The following STAG3 variants were observed in gnomAD, a reference collection of about 807,000 sequenced individuals.
The protein encoded by STAG3 is STAG3 cohesin complex component, also known as cohesin subunit SA-3.
STAG3 carries 101 observed loss-of-function variants against 160.7 expected under a neutral mutation model. The observed-to-expected ratio is 0.63, with a 90% CI of 0.54 to 0.74. The LOEUF (loss-of-function observed/expected upper bound fraction) is 0.74. Ranked by LOEUF, STAG3 falls within the 30% of genes least tolerant of loss-of-function variation. The pLI, the probability that STAG3 is intolerant of heterozygous loss-of-function variation, is 0.00. For synonymous variants in STAG3, 519 were observed against 585.0 expected, an observed-to-expected ratio of 0.89 and a Z score of 1.63; for missense variants, 1,188 against 1,517.4, an observed-to-expected ratio of 0.78 and a Z score of 3.61.
In STAG3 at chr7:100,200,043, G is replaced by A. The variant is rs1200324190; in HGVS notation, c.1678-193G>A. On this transcript the variant is annotated intron_variant, in intron 16 of 33. Transcript: ENST00000615138. ...ATCACGCCACTGCACTCCAGCCTGG[G>A]TGACAGAGCGAGACTCCGTCTCAAA... The A allele has an allele frequency of 3.4e-5, 18 of 532,944 alleles. No individual in the cohort carries two copies. The East Asian group carries it at 3.7e-4, about 11-fold the overall frequency. 33.0% of individuals were successfully genotyped at this position (532,944 alleles called of 1,614,324 possible).
rs1388032472 is a variant in STAG3 at position 100,214,069 on chromosome 7, T to C, written c.*54T>C. On this transcript the variant is annotated 3_prime_UTR_variant, in exon 34 of 34. Transcript: ENST00000615138. ...CTCCCTACCTCAAGAATGTGACCAT[T>C]TGGAAAAGGCAAAGAGAAAAGGAGC... 6.2e-7 allele frequency: 1 copy of C among 1,605,722 alleles called. No homozygotes were observed. The highest frequency in any genetic ancestry group is 1.7e-5 in the Admixed American group (1 of 59,294).
chr7:100,202,241 CT>C lies in STAG3; in HGVS notation c.2466del (p.Arg823GlyfsTer15). 6.2e-7 allele frequency: 1 copy of C among 1,614,094 alleles called. No homozygotes were observed. The highest frequency in any genetic ancestry group is 1.1e-5 in the South Asian group (1 of 91,084). ...GATGATTGTTGGGGGCCGTGATTTC[CT>C]TAGGCCACTTGTCTTTTTTCCTGAA... ...PQMIVGGRDF[L>X]RPLVFFPEAT... On this transcript the variant is annotated frameshift_variant, in exon 24 of 34. Transcript: ENST00000615138. LOFTEE classifies it high-confidence loss of function.
chr7:100,193,370 A>C (rs1800460544), intron 8 of STAG3, among the ~76,000 whole-genome samples: 1 of 152,202 alleles, frequency 6.6e-6, no homozygotes, highest in African/African-American at 2.4e-5. Context: ...TGTCCGTTGA[A>C]GCTTTGAAGC....
intron 1 of STAG3, among the ~76,000 whole-genome samples, 168 bp from the exon 2 acceptor site, chr7:100,180,325 G>T (rs1432910068): frequency 1.3e-5 from 2 of 152,056 alleles, no homozygotes; most frequent in African/African-American, 4.8e-5. Flanking sequence ...CTCCCAAAGT[G>T]CTGGGATTAT....
chr7:100,202,790 T>C (rs554881538), intron 25 of STAG3, among the ~76,000 whole-genome samples, 200 bp downstream of exon 25: 3 of 152,326 alleles, frequency 2.0e-5, no homozygotes, highest in Admixed American at 6.5e-5. Context: ...GAGAAAAAGC[T>C]GTGAAGAAAT....
chr7:100,211,896 C>T lies in STAG3; in HGVS notation c.3600+20C>T. On this transcript the variant is annotated intron_variant, in intron 32 of 33. Coordinates refer to ENST00000615138, the MANE Select transcript of STAG3 (RefSeq NM_001282717.2). ...GACATGGTGAGTAGACCACCCTGCCCTTCTCTCTCAAGAACTAGGGGCTGA... is the reference window on the plus strand; with the variant it reads ...GACATGGTGAGTAGACCACCCTGCCTTTCTCTCTCAAGAACTAGGGGCTGA... 1.2e-6 allele frequency: 2 copies of T among 1,611,318 alleles called. No homozygotes were observed. Among genetic ancestry groups the T allele is most frequent in the Non-Finnish European group, 1.7e-6 (2 of 1,178,330 alleles).
chr7:100,188,286 T>G (rs930365119), intron 5 of STAG3, among the ~76,000 whole-genome samples, 167 bp from the exon 6 acceptor site: 1 of 152,224 alleles, frequency 6.6e-6, no homozygotes, highest in Non-Finnish European at 1.5e-5. Flanking sequence ...GATTGCCTTA[T>G]AGCAGATACA....
chr7:100,183,164 C>T (rs1799762698), intron 4 of STAG3, among the ~76,000 whole-genome samples: 1 of 152,136 alleles, frequency 6.6e-6, no homozygotes, highest in South Asian at 2.1e-4. Flanking sequence ...CAGGCGTGTG[C>T]CACCACGCCC....
chr7:100,192,783 G>T (rs1051382298), intron 8 of STAG3, among the ~76,000 whole-genome samples: 13 of 152,130 alleles, frequency 8.5e-5, no homozygotes, highest in African/African-American at 3.1e-4. Context: ...TAGAGACAGG[G>T]TCTCACTGTG....
chr7:100,211,083 C>T lies in STAG3; in HGVS notation c.3311C>T (p.Pro1104Leu). The change falls in exon 30 of 34, where the codon CCC becomes CTC. Residue 1104 changes from proline to leucine, a missense_variant. Transcript: ENST00000615138. The stretch of plus-strand genomic sequence containing the variant: ...AGTCTGCAGCTGAACAGCATCCCGC[C>T]CACGCCCACCCTCACCTCCACAGCT... ...EESLQLNSIP[P>L]TPTLTSTAVK... 6.2e-7 allele frequency: 1 copy of T among 1,613,616 alleles called. No homozygotes were observed. The highest frequency in any genetic ancestry group is 1.1e-5 in the South Asian group (1 of 91,026).
chr7:100,201,220 C>A, intron 20 of STAG3, 44 bp from the exon 21 acceptor site: 1 of 1,613,840 alleles, frequency 6.2e-7, no homozygotes, highest in African/African-American at 1.3e-5. Context: ...GAGTTGGTTC[C>A]CTCTGTTCTT....
downstream of STAG3, among the ~76,000 whole-genome samples, chr7:100,215,435 G>A (rs997881368): frequency 6.6e-6 from 1 of 152,178 alleles, no homozygotes; most frequent in African/African-American, 2.4e-5. Flanking sequence ...CAGAGCTGGG[G>A]TGTGGGGGAA....
At chr7:100,201,741 C>G (rs759579610) in intron 21 of STAG3, 45 bp from the exon 22 acceptor site, 3 of 1,561,650 alleles carry the variant, frequency 1.9e-6, no homozygotes, top group Non-Finnish European at 1.8e-6. Flanking sequence ...CTGTCTCTCC[C>G]TCTCCTAACC....
In STAG3 at chr7:100,199,920, G is replaced by T. The variant is rs921481178; in HGVS notation, c.1677+276G>T. Among the ~76,000 whole-genome samples the T allele has an allele frequency of 8.8e-5, 12 of 136,980 alleles. No individual in the cohort carries two copies. In the South Asian group the frequency reaches 1.9e-3, roughly 21 times the overall value. 89.9% of individuals were successfully genotyped at this position (136,980 alleles called of 152,430 possible). ...AATACAAAAAAAAAAAAAAAAATTA[G>T]CTGGGCGTGGTAGCGGGCACCTGTA... On this transcript the variant is annotated intron_variant, in intron 16 of 33. Coordinates refer to ENST00000615138, the MANE Select transcript of STAG3 (RefSeq NM_001282717.2).
At chr7:100,197,516 A>G (rs1386196818) in intron 10 of STAG3, 3 of 677,244 alleles carry the variant, frequency 4.4e-6, no homozygotes, top group East Asian at 2.7e-5. Flanking sequence ...AGACTTTCCC[A>G]TGGAAGAGAG....
downstream of STAG3, among the ~76,000 whole-genome samples, chr7:100,216,579 T>A (rs1802768765): frequency 6.6e-6 from 1 of 152,060 alleles, no homozygotes; most frequent in Non-Finnish European, 1.5e-5. Flanking sequence ...GGCGGGCAGA[T>A]CACGAGGTCA....
At chr7:100,208,315 T>C (rs1414441199) in intron 29 of STAG3, among the ~76,000 whole-genome samples, 1 of 152,190 alleles carries the variant, frequency 6.6e-6, no homozygotes, top group Admixed American at 6.5e-5. Flanking sequence ...ACCTACTATA[T>C]GAAAGATACT....
At chr7:100,197,359 C>T in intron 10 of STAG3, 80 bp downstream of exon 10, 1 of 1,573,970 alleles carries the variant, frequency 6.4e-7, no homozygotes, top group East Asian at 2.3e-5. Flanking sequence ...CCTGGGCCTG[C>T]CACTGAGATA....
chr7:100,206,906 C>CCT (rs1801705388), intron 29 of STAG3, among the ~76,000 whole-genome samples: 1 of 152,212 alleles, frequency 6.6e-6, no homozygotes, highest in African/African-American at 2.4e-5. Flanking sequence ...ATCTTCCCAG[C>CCT]CTTAGGTAGT....
Sources: gnomAD v4.1 joint callset for allele counts (sites outside exome capture counted in the v4.1 genomes callset) on GRCh38, gnomAD v4.1.1 for gene constraint, MANE v1.5 for transcripts, NCBI Gene and HGNC (gene_info 2026-07-23, HGNC 2026-07-21) for gene names.